Variants in CCDC18 observed in about 807,000 individuals in gnomAD.
CCDC18 encodes the protein coiled-coil domain-containing protein 18.
A neutral mutation model predicts 196.0 loss-of-function variants in CCDC18; 157 were observed. The ratio of observed to expected loss-of-function variants is 0.80; its 90% CI spans 0.70 to 0.91. CCDC18 has a LOEUF of 0.91. Among genes scored for constraint, CCDC18 ranks in the 40% least tolerant of loss-of-function variants. The pLI is 0.00. For missense variants in CCDC18, 1,465 were observed against 1,611.6 expected, an observed-to-expected ratio of 0.91 and a Z score of 1.56; for synonymous variants, 482 against 529.2, an observed-to-expected ratio of 0.91 and a Z score of 1.22.
At chr1:93,191,066 C>T (rs1457497361) in intron 4 of CCDC18, 7 of 728,130 alleles carry the variant, frequency 9.6e-6, no homozygotes, top group South Asian at 3.0e-5. Context: ...ACCATGTTTG[C>T]GGGAGTGCTA....
At chr1:93,272,323 T>A (rs1665342849) in intron 28 of CCDC18, among the ~76,000 whole-genome samples, 1 of 152,248 alleles carries the variant, frequency 6.6e-6, no homozygotes, top group South Asian at 2.1e-4. Context: ...TGAATATTTA[T>A]GAATGTATCA....
At chr1:93,186,264 T>C (rs1650660005) in intron 3 of CCDC18, 81 bp from the exon 4 acceptor site, 1 of 1,286,214 alleles carries the variant, frequency 7.8e-7, no homozygotes, top group Non-Finnish European at 1.1e-6. Context: ...TTGTTAATAA[T>C]TGCTCATAAT....
At chr1:93,181,755 C>T (rs573286063) in intron 1 of CCDC18, among the ~76,000 whole-genome samples, 6 of 151,998 alleles carry the variant, frequency 3.9e-5, no homozygotes, top group Non-Finnish European at 8.8e-5. Context: ...GCTGAGATTA[C>T]AGGCGCTCGC....
Position 93,229,815 on chromosome 1 carries a change from T to TA in CCDC18, c.2293-2610dup, listed in dbSNP as rs1421675420. On this transcript the variant is annotated intron_variant, in intron 17 of 28. Coordinates refer to ENST00000690025, the MANE Select transcript of CCDC18 (RefSeq NM_001378204.1). ...AACAATGCTTTTAAAATAATAAAGT[T>TA]ATGTGTTCATGCAAAATTACATTGT... Among the ~76,000 whole-genome samples, 6 of 152,292 alleles carry TA rather than the reference T, an allele frequency of 3.9e-5. No homozygotes were observed. The South Asian group carries it at 1.0e-3, about 26-fold the overall frequency.
intron 16 of CCDC18, among the ~76,000 whole-genome samples, chr1:93,224,779 T>C (rs555577094): frequency 6.6e-6 from 1 of 152,376 alleles, no homozygotes; most frequent in Admixed American, 6.5e-5. Context: ...CTTGCCCAAA[T>C]GAGTTATTAC....
intron 9 of CCDC18, among the ~76,000 whole-genome samples, chr1:93,208,173 T>A (rs562408531): frequency 6.6e-6 from 1 of 152,178 alleles, no homozygotes; most frequent in Non-Finnish European, 1.5e-5. Flanking sequence ...TATTCCAAAC[T>A]GTTTTCCAAA....
At chr1:93,264,317 GGCT>G (rs1664205939) in intron 26 of CCDC18, among the ~76,000 whole-genome samples, 1 of 152,046 alleles carries the variant, frequency 6.6e-6, no homozygotes, top group Non-Finnish European at 1.5e-5. Context: ...AAAAGATAAG[GGCT>G]ATTTTTTGGA....
chr1:93,184,957 G>GTGCC (rs1650374295), intron 3 of CCDC18, among the ~76,000 whole-genome samples: 1 of 151,776 alleles, frequency 6.6e-6, no homozygotes, highest in South Asian at 2.1e-4. Flanking sequence ...TATTGTATAT[G>GTGCC]TGCCTTAATT....
intron 6 of CCDC18, among the ~76,000 whole-genome samples, chr1:93,200,467 C>T (rs1400395414): frequency 6.6e-6 from 1 of 151,946 alleles, no homozygotes; most frequent in Non-Finnish European, 1.5e-5. Context: ...ATAGCAAGAC[C>T]CCACACACAC....
In CCDC18 at chr1:93,232,520, A is replaced by T. The variant is rs1460509257; in HGVS notation, c.2387A>T (p.Gln796Leu). Residue 796 changes from glutamine to leucine, a missense_variant, in exon 18 of 29, where the codon CAG (glutamine) becomes CTG (leucine). Gln to Leu is a moderately radical substitution (Grantham distance 113, BLOSUM62 -2). Coordinates refer to ENST00000690025, the MANE Select transcript of CCDC18 (RefSeq NM_001378204.1). ...NVILQHTLQQ[Q>L]QQMLQQETIR... is the part of the protein sequence containing the mutation. ...ATTCTACAGCATACTCTTCAGCAAC[A>T]GCAGCAAATGTTACAACAAGAGACA... 6.2e-7 allele frequency: 1 copy of T among 1,613,272 alleles called. No homozygotes were observed. The highest frequency in any genetic ancestry group is 1.1e-5 in the South Asian group (1 of 91,002).
chr1:93,233,939 C>G (rs1268110186), intron 18 of CCDC18, among the ~76,000 whole-genome samples: 1 of 151,762 alleles, frequency 6.6e-6, no homozygotes, highest in Non-Finnish European at 1.5e-5. Context: ...CTCTCCATCC[C>G]TTTTGTTAAA....
upstream of CCDC18, chr1:93,180,212 C>T (rs1377324869): frequency 1.9e-6 from 3 of 1,612,490 alleles, no homozygotes; most frequent in South Asian, 2.2e-5. Flanking sequence ...AGAAGGAGCA[C>T]GGGGAAGGGC....
intron 5 of CCDC18, among the ~76,000 whole-genome samples, chr1:93,193,144 A>T (rs1402866461): frequency 6.6e-6 from 1 of 152,196 alleles, no homozygotes; most frequent in East Asian, 1.9e-4. Flanking sequence ...ATTGGTAGCT[A>T]ATGGTATTAT....
At chr1:93,210,781 T>C (rs770554750) in intron 9 of CCDC18, 21 bp from the exon 10 acceptor site, 8 of 1,552,734 alleles carry the variant, frequency 5.2e-6, no homozygotes, top group South Asian at 4.5e-5. Context: ...AGTTTACATA[T>C]GTTTGTTTTT....
At chr1:93,180,947 C>T in intron 1 of CCDC18, 95 bp downstream of exon 1, 2 of 1,218,282 alleles carry the variant, frequency 1.6e-6, no homozygotes, top group Non-Finnish European at 1.1e-6. Context: ...CCTTTCCCTC[C>T]CGGCACCTTG....
At chr1:93,262,826 G>T (rs1156664264) in intron 26 of CCDC18, among the ~76,000 whole-genome samples, 1 of 152,094 alleles carries the variant, frequency 6.6e-6, no homozygotes, top group Non-Finnish European at 1.5e-5. Context: ...TACTGCCTTA[G>T]TAGAGGTTCT....
At chr1:93,210,047 AC>A (rs1655345884) in intron 9 of CCDC18, among the ~76,000 whole-genome samples, 1 of 152,242 alleles carries the variant, frequency 6.6e-6, no homozygotes, top group Admixed American at 6.5e-5. Flanking sequence ...ACAGAGTGAG[AC>A]CCTGTCTCTC....
chr1:93,273,621 T>C (rs1051392848), intron 28 of CCDC18: 2 of 152,212 alleles, frequency 1.3e-5, no homozygotes, highest in African/African-American at 2.4e-5. Context: ...AGCATGTCCC[T>C]TTCTCCCCTA....
intron 23 of CCDC18, among the ~76,000 whole-genome samples, chr1:93,249,800 C>A (rs1232961147): frequency 2.6e-5 from 4 of 152,122 alleles, no homozygotes; most frequent in Non-Finnish European, 2.9e-5. Context: ...TTTTAACATG[C>A]ACCTTTAGGT....
Sources: allele counts gnomAD v4.1 joint callset (sites outside exome capture counted in the v4.1 genomes callset), GRCh38; gene constraint gnomAD v4.1.1; transcripts MANE v1.5; gene names NCBI Gene and HGNC (gene_info 2026-07-23, HGNC 2026-07-21).